The following TDRD9 variants were observed in gnomAD, a reference collection of about 807,000 sequenced individuals.
TDRD9 encodes ATP-dependent RNA helicase TDRD9.
In TDRD9, 124 loss-of-function variants were observed where a neutral mutation model predicts 172.6. The ratio of observed to expected loss-of-function variants is 0.72; its 90% CI spans 0.62 to 0.83. TDRD9 has a LOEUF of 0.83. Among genes scored for constraint, TDRD9 ranks in the 40% least tolerant of loss-of-function variants. The pLI is 0.00. For synonymous variants in TDRD9, 619 were observed against 617.1 expected (o/e 1.00, Z -0.05); for missense variants, 1,479 against 1,714.1 (o/e 0.86, Z 2.42).
In TDRD9 at chr14:104,031,254, A is replaced by G; in HGVS notation, c.3429A>G (p.Pro1143=). The G allele has an allele frequency of 6.4e-7, 1 of 1,550,682 alleles. No homozygotes were observed. The highest frequency in any genetic ancestry group is 8.7e-7 in the Non-Finnish European group (1 of 1,146,580). Residue 1143 remains proline (P), a synonymous_variant, in exon 29 of 36, where the codon CCA becomes CCG. Transcript: ENST00000409874. ...TTTCTACCAATAAACTGGGTACTCC[A>G]AACTGTAAGGTGATTGTAGGAGTTT... ...ESFSTNKLGT[P]NCKAELHGPF...
intron 1 of TDRD9, among the ~76,000 whole-genome samples, chr14:103,954,772 G>C (rs915688276): frequency 6.6e-6 from 1 of 151,464 alleles, no homozygotes; most frequent in African/African-American, 2.4e-5. Context: ...GGGATTACAG[G>C]GACCTGCCAC....
chr14:103,947,309 GTTTTGTTTTTTTTGTTT>G (rs916547290), intron 1 of TDRD9, among the ~76,000 whole-genome samples: 1 of 151,490 alleles, frequency 6.6e-6, no homozygotes, highest in African/African-American at 2.4e-5. Flanking sequence ...TTGTTTGTTT[GTTTTGTTTTTTTTGTTT>G]TTTTGTTTTT....
chr14:104,032,022 A>G lies in TDRD9; in HGVS notation c.3444A>G (p.Glu1148=), dbSNP rs2035297469. 9.7e-6 allele frequency: 15 copies of G among 1,547,074 alleles called. No homozygotes were observed. Among genetic ancestry groups the G allele is most frequent in the Non-Finnish European group, 1.3e-5 (15 of 1,145,568 alleles). ...CCTATATTTTGTGCACGCAGGCAGAACTTCACGGGCCTTTTAACCCTTATG... is the reference window on the plus strand; with the variant it reads ...CCTATATTTTGTGCACGCAGGCAGAGCTTCACGGGCCTTTTAACCCTTATG... ...NKLGTPNCKA[E]LHGPFNPYEL... Residue 1148 remains glutamate, a synonymous_variant, in exon 30 of 36, where the codon GAA becomes GAG. Transcript: ENST00000409874.
chr14:103,929,612 T>A (rs1329860899), intron 1 of TDRD9, among the ~76,000 whole-genome samples: 1 of 150,404 alleles, frequency 6.6e-6, no homozygotes, highest in African/African-American at 2.5e-5. Flanking sequence ...CTCCCCCTCC[T>A]AGGTTCAAGC....
intron 1 of TDRD9, among the ~76,000 whole-genome samples, chr14:103,933,999 G>T (rs1182701320): frequency 2.0e-5 from 3 of 152,004 alleles, no homozygotes; most frequent in Non-Finnish European, 4.4e-5. Context: ...AACTCTCCAA[G>T]AATTCCTATT....
At chr14:103,940,104 A>G (rs2031127529) in intron 1 of TDRD9, among the ~76,000 whole-genome samples, 1 of 152,122 alleles carries the variant, frequency 6.6e-6, no homozygotes, top group South Asian at 2.1e-4. Context: ...TTTGTATATT[A>G]AATATTTTGC....
intron 35 of TDRD9, among the ~76,000 whole-genome samples, chr14:104,051,740 A>G (rs2035940542): frequency 6.6e-6 from 1 of 152,176 alleles, no homozygotes; most frequent in Non-Finnish European, 1.5e-5. Flanking sequence ...TTGGCCCTTC[A>G]GTGTCTTCTT....
intron 23 of TDRD9, among the ~76,000 whole-genome samples, chr14:104,020,119 C>T (rs2034909592): frequency 6.6e-6 from 1 of 152,152 alleles, no homozygotes; most frequent in Non-Finnish European, 1.5e-5. Flanking sequence ...AGGTCAGGTG[C>T]TGACTTTGAG....
intron 30 of TDRD9, 93 bp downstream of exon 30, chr14:104,032,180 G>T: frequency 1.4e-6 from 1 of 738,640 alleles, no homozygotes; most frequent in Non-Finnish European, 2.2e-6. Context: ...TATCTAAACT[G>T]TTGGAATGTG....
At chr14:103,962,327 TG>T (rs1339666129) in intron 2 of TDRD9, among the ~76,000 whole-genome samples, 1 of 152,224 alleles carries the variant, frequency 6.6e-6, no homozygotes, top group African/African-American at 2.4e-5. Flanking sequence ...TTAACTGTTT[TG>T]GTACCACTGA....
intron 1 of TDRD9, among the ~76,000 whole-genome samples, chr14:103,945,795 G>C (rs1595900205): frequency 1.3e-5 from 2 of 152,082 alleles, no homozygotes. Context: ...CTGTAAGGAA[G>C]TACATAAAAA....
chr14:104,013,004 ACAGT>A, intron 20 of TDRD9, among the ~76,000 whole-genome samples: 1 of 152,206 alleles, frequency 6.6e-6, no homozygotes, highest in Non-Finnish European at 1.5e-5. Flanking sequence ...ACATGTGATT[ACAGT>A]CACATGAAAC....
intron 22 of TDRD9, 144 bp from the exon 23 acceptor site, chr14:104,017,948 C>G (rs2034840618): frequency 3.4e-6 from 2 of 593,042 alleles, no homozygotes; most frequent in East Asian, 5.7e-5. Context: ...ATGCACTGAT[C>G]TGTAGAGTTT....
intron 32 of TDRD9, among the ~76,000 whole-genome samples, chr14:104,037,307 G>A (rs547291888): frequency 6.6e-6 from 1 of 152,216 alleles, no homozygotes; most frequent in African/African-American, 2.4e-5. Context: ...TTCCTTTTGT[G>A]AGCCACCTCT....
intron 30 of TDRD9, among the ~76,000 whole-genome samples, chr14:104,032,834 A>T (rs2035327521): frequency 6.6e-6 from 1 of 152,262 alleles, no homozygotes; most frequent in South Asian, 2.1e-4. Flanking sequence ...TGATAAGGGC[A>T]CAGAACATCA....
intron 7 of TDRD9, among the ~76,000 whole-genome samples, chr14:103,979,660 G>A (rs1347655187): frequency 6.6e-6 from 1 of 152,178 alleles, no homozygotes; most frequent in Non-Finnish European, 1.5e-5. Flanking sequence ...GGAATCAAAT[G>A]TCAACATGAG....
rs551831772 is a variant in TDRD9 at position 103,976,541 on chromosome 14, A to C, written c.1011+988A>C. Among the ~76,000 whole-genome samples the C allele has an allele frequency of 4.6e-5, 7 of 151,456 alleles. No homozygotes were observed. In the East Asian group the frequency reaches 1.4e-3, roughly 30 times the overall value. ...CTCCCAAAGTGCTGGGATTACAGGCATGAGCCACCGCGCCTGGCCTATCCA... is the reference window on the plus strand; with the variant it reads ...CTCCCAAAGTGCTGGGATTACAGGCCTGAGCCACCGCGCCTGGCCTATCCA... On this transcript the variant is annotated intron_variant, in intron 7 of 35. Coordinates refer to ENST00000409874, the MANE Select transcript of TDRD9 (RefSeq NM_153046.3).
chr14:104,006,438 A>C lies in TDRD9; in HGVS notation c.1763A>C (p.Asp588Ala). The C allele has an allele frequency of 6.2e-7, 1 of 1,613,930 alleles. No homozygotes were observed. Among genetic ancestry groups the C allele is most frequent in the African/African-American group, 1.3e-5 (1 of 75,070 alleles). ...CAGAGAGAAGATGAAAACCCCCATGATGGTGAATTGACCTTCTTAGGAAGA... is the reference window on the plus strand; with the variant it reads ...CAGAGAGAAGATGAAAACCCCCATGCTGGTGAATTGACCTTCTTAGGAAGA... The part of the protein sequence containing the change: ...SGQREDENPH[D>A]GELTFLGRVL... Residue 588 changes from aspartate (D) to alanine (A), a missense_variant, in exon 16 of 36, where the codon GAT becomes GCT. Asp to Ala is a moderately radical substitution (Grantham distance 126). Transcript: ENST00000409874.
chr14:103,971,450 A>G (rs1290301148), intron 6 of TDRD9, among the ~76,000 whole-genome samples: 1 of 151,362 alleles, frequency 6.6e-6, no homozygotes, highest in Non-Finnish European at 1.5e-5. Context: ...GACTACAGGC[A>G]CCCACCACCA....
Sources: allele counts gnomAD v4.1 joint callset (sites outside exome capture counted in the v4.1 genomes callset), GRCh38; gene constraint gnomAD v4.1.1; transcripts MANE v1.5; gene names NCBI Gene and HGNC (gene_info 2026-07-23, HGNC 2026-07-21).